Variants in ME3 observed in about 807,000 individuals in gnomAD.
ME3 encodes the protein malic enzyme 3, also known as NADP-dependent malic enzyme, mitochondrial.
ME3 carries 48 observed loss-of-function variants against 68.9 expected under a neutral mutation model. The ratio of observed to expected loss-of-function variants is 0.70; its 90% CI spans 0.55 to 0.89. ME3 has a LOEUF of 0.89. Ranked by LOEUF, ME3 falls within the 40% of genes least tolerant of loss-of-function variation. The pLI is 0.00. For missense variants in ME3, 675 were observed against 797.4 expected (o/e 0.85, Z 1.85); for synonymous variants, 320 against 318.8 (o/e 1.00, Z -0.04).
chr11:86,586,601 A>G (rs976943013), intron 2 of ME3, among the ~76,000 whole-genome samples: 5 of 152,330 alleles, frequency 3.3e-5, no homozygotes, highest in Admixed American at 1.3e-4. Flanking sequence ...AAAGTCCTCA[A>G]TAATTGAAAG....
At chr11:86,559,528 A>G (rs763091155) in intron 3 of ME3, among the ~76,000 whole-genome samples, 162 bp downstream of exon 3, 1 of 152,150 alleles carries the variant, frequency 6.6e-6, no homozygotes, top group Non-Finnish European at 1.5e-5. Context: ...CTTGTCTCTC[A>G]GGGAGACCAT....
At chr11:86,591,869 T>A (rs184470110) in intron 2 of ME3, among the ~76,000 whole-genome samples, 2 of 152,152 alleles carry the variant, frequency 1.3e-5, no homozygotes, top group East Asian at 3.9e-4. Context: ...ACCGAGTCTC[T>A]CCCACAACAC....
At chr11:86,541,430 A>G (rs532789080) in intron 4 of ME3, among the ~76,000 whole-genome samples, 1 of 152,208 alleles carries the variant, frequency 6.6e-6, no homozygotes, top group Non-Finnish European at 1.5e-5. Context: ...AGCAGTCTGA[A>G]GTTGACCTGG....
At chr11:86,537,763 G>A (rs188301775) in intron 4 of ME3, among the ~76,000 whole-genome samples, 64 of 152,326 alleles carry the variant, frequency 4.2e-4, no homozygotes, top group Admixed American at 5.9e-4. Context: ...GTGTTCAGGA[G>A]TGGGCTGCAG....
chr11:86,627,355 C>G (rs116695496), intron 2 of ME3, among the ~76,000 whole-genome samples: 337 of 152,214 alleles, frequency 2.2e-3, no homozygotes, highest in African/African-American at 7.9e-3. Context: ...CTTTCTGTAC[C>G]ATGGGTATAA....
intron 10 of ME3, among the ~76,000 whole-genome samples, chr11:86,449,619 T>C (rs1472426113): frequency 1.3e-5 from 2 of 152,164 alleles, no homozygotes; most frequent in Non-Finnish European, 1.5e-5. Flanking sequence ...TTTTGGAAAC[T>C]ATGATTTAAT....
intron 4 of ME3, among the ~76,000 whole-genome samples, chr11:86,543,066 T>C (rs1956143818): frequency 6.6e-6 from 1 of 152,102 alleles, no homozygotes; most frequent in Non-Finnish European, 1.5e-5. Context: ...GCTTCATAAG[T>C]GAAGGAGAAA....
chr11:86,546,705 T>C (rs1304963717), intron 4 of ME3, among the ~76,000 whole-genome samples: 1 of 152,230 alleles, frequency 6.6e-6, no homozygotes, highest in African/African-American at 2.4e-5. Context: ...GGAACGTTTT[T>C]ACACTGTTGG....
chr11:86,496,933 G>A (rs983992482), intron 6 of ME3, among the ~76,000 whole-genome samples: 11 of 151,284 alleles, frequency 7.3e-5, no homozygotes, highest in Non-Finnish European at 7.4e-5. Flanking sequence ...AATGATTAGT[G>A]CTTGTTATGT....
At chr11:86,609,578 T>G (rs1362473163) in intron 2 of ME3, among the ~76,000 whole-genome samples, 2 of 152,120 alleles carry the variant, frequency 1.3e-5, no homozygotes, top group Non-Finnish European at 2.9e-5. Context: ...TATGTATGCA[T>G]GCACACACAC....
chr11:86,507,364 TC>T (rs1307211159), intron 5 of ME3, among the ~76,000 whole-genome samples: 1 of 152,188 alleles, frequency 6.6e-6, no homozygotes. Context: ...TATCTGAACT[TC>T]CAGGGAGCTC....
chr11:86,624,327 C>T (rs1012198174), intron 2 of ME3, among the ~76,000 whole-genome samples: 1 of 152,154 alleles, frequency 6.6e-6, no homozygotes, highest in African/African-American at 2.4e-5. Context: ...TTGTTTAAAC[C>T]AGCAGAGATT....
exon 2 of ME3, chr11:86,671,862 G>T (rs779196555): frequency 6.3e-7 from 1 of 1,579,554 alleles, no homozygotes; most frequent in Admixed American, 1.8e-5. Context: ...GGCGGGCGCG[G>T]TGGGTGTCCA....
intron 3 of ME3, among the ~76,000 whole-genome samples, chr11:86,557,331 C>T (rs1401610735): frequency 2.0e-5 from 3 of 152,050 alleles, no homozygotes; most frequent in Non-Finnish European, 4.4e-5. Context: ...TCCATTCAGA[C>T]TCCTAAGAAT....
chr11:86,619,111 A>C (rs1943181623), intron 2 of ME3, among the ~76,000 whole-genome samples: 1 of 152,158 alleles, frequency 6.6e-6, no homozygotes, highest in Admixed American at 6.5e-5. Context: ...GCCTTCCACC[A>C]TGAGTAAAAG....
At chr11:86,608,167 A>T (rs941485896) in intron 2 of ME3, among the ~76,000 whole-genome samples, 3 of 152,194 alleles carry the variant, frequency 2.0e-5, no homozygotes, top group African/African-American at 7.2e-5. Flanking sequence ...GAAGGTTCCA[A>T]ACATTTTTAA....
intron 2 of ME3, among the ~76,000 whole-genome samples, chr11:86,595,885 GC>G (rs1298719855): frequency 1.3e-5 from 2 of 152,206 alleles, no homozygotes; most frequent in Non-Finnish European, 2.9e-5. Flanking sequence ...CTCTGGGTGG[GC>G]CCCTCACCAT....
intron 4 of ME3, among the ~76,000 whole-genome samples, chr11:86,539,958 G>A (rs533851573): frequency 1.3e-5 from 2 of 152,306 alleles, no homozygotes; most frequent in East Asian, 1.9e-4. Context: ...CCCTGCCTGA[G>A]CCTTGTTTCC....
At chr11:86,479,286 A>T (rs184682882) in intron 7 of ME3, among the ~76,000 whole-genome samples, 177 of 152,288 alleles carry the variant, frequency 1.2e-3, no homozygotes, top group African/African-American at 4.1e-3. Flanking sequence ...GAGCTATGCC[A>T]CCAGTTTCCC....
Sources: allele counts gnomAD v4.1 joint callset (sites outside exome capture counted in the v4.1 genomes callset), GRCh38; gene constraint gnomAD v4.1.1; transcripts MANE v1.5; gene names NCBI Gene and HGNC (gene_info 2026-07-23, HGNC 2026-07-21).